Variants in PRDM6 observed in about 807,000 individuals in gnomAD.
The protein encoded by PRDM6 is PR/SET domain 6, also known as putative histone-lysine N-methyltransferase PRDM6.
A neutral mutation model predicts 60.8 loss-of-function variants in PRDM6; 25 were observed. The ratio of observed to expected loss-of-function variants is 0.41; its 90% confidence interval spans 0.30 to 0.57. The LOEUF is 0.57. Among genes scored for constraint, PRDM6 ranks in the 20% least tolerant of loss-of-function variants. The pLI is 0.27. For missense variants in PRDM6, 839 were observed against 821.3 expected, an observed-to-expected ratio of 1.02 and a Z score of -0.26; for synonymous variants, 407 against 357.4, an observed-to-expected ratio of 1.14 and a Z score of -1.57.
Position 123,090,281 on chromosome 5 carries a change from C to T in PRDM6, c.267C>T (p.Ser89=). 6.7e-7 allele frequency: 1 copy of T among 1,487,924 alleles called. No homozygotes were observed. The allele number at this position is 1,487,924 out of a possible 1,614,324, so 92.2% of individuals were successfully genotyped here. Residue 89 remains serine, a synonymous_variant, in exon 2 of 8, where the codon TCC becomes TCT. Coordinates refer to ENST00000407847, the MANE Select transcript of PRDM6 (RefSeq NM_001136239.4). ...CCACGCCGGCTTCCTCTTCCACCTCCGCCTCCTCCGCCTCCTCCTGCGCTG... is the reference window on the plus strand; with the variant it reads ...CCACGCCGGCTTCCTCTTCCACCTCTGCCTCCTCCGCCTCCTCCTGCGCTG... ...ASSTPASSST[S]ASSASSCAAA... is the part of the protein sequence containing the mutation.
At chr5:123,121,445 C>T (rs560718794) in intron 3 of PRDM6, among the ~76,000 whole-genome samples, 2 of 152,190 alleles carry the variant, frequency 1.3e-5, no homozygotes, top group African/African-American at 4.8e-5. Flanking sequence ...TGCAGTGGTG[C>T]AATCATAGCT....
At chr5:123,125,910 A>T (rs1355014956) in intron 3 of PRDM6, among the ~76,000 whole-genome samples, 2 of 152,136 alleles carry the variant, frequency 1.3e-5, no homozygotes, top group African/African-American at 4.8e-5. Flanking sequence ...TTGGAGAACA[A>T]CATATGTAAG....
At chr5:123,167,585 C>T (rs1275348049) in intron 5 of PRDM6, among the ~76,000 whole-genome samples, 1 of 151,968 alleles carries the variant, frequency 6.6e-6, no homozygotes, top group Non-Finnish European at 1.5e-5. Context: ...GACAGGGTTT[C>T]TCCATGTTGG....
intron 5 of PRDM6, among the ~76,000 whole-genome samples, chr5:123,161,557 G>T (rs1765631876): frequency 6.6e-6 from 1 of 152,228 alleles, no homozygotes. Context: ...AACAAGCCAT[G>T]TGTTAGTAGG....
In PRDM6 at chr5:123,188,541, TC is replaced by T. The variant is rs796751967; in HGVS notation, c.*1341del. On this transcript the variant is annotated 3_prime_UTR_variant, in exon 8 of 8. Coordinates refer to ENST00000407847, the MANE Select transcript of PRDM6 (RefSeq NM_001136239.4). The stretch of plus-strand genomic sequence containing the variant: ...AGAGCTGATAGCTCCCAGCAGCATC[TC>T]AGCGACTGTCTACCTTGATGGCCAG... 3.3e-4 allele frequency: 50 copies of T among 152,340 alleles called. No individual in the cohort carries two copies. Among genetic ancestry groups the T allele is most frequent in the African/African-American group, 1.2e-3 (48 of 41,594 alleles). The allele number at this position is 152,340 out of a possible 1,614,324, so 9.4% of individuals were successfully genotyped here.
At chr5:123,177,509 C>A (rs1247965926) in intron 6 of PRDM6, among the ~76,000 whole-genome samples, 1 of 152,158 alleles carries the variant, frequency 6.6e-6, no homozygotes, top group Non-Finnish European at 1.5e-5. Context: ...TAGAGATTAA[C>A]TAAAACAAGG....
intron 2 of PRDM6, among the ~76,000 whole-genome samples, chr5:123,098,750 G>T (rs959649029): frequency 6.6e-6 from 1 of 152,224 alleles, no homozygotes; most frequent in African/African-American, 2.4e-5. Flanking sequence ...TAGGCTGATC[G>T]TTAAATTTGC....
At position 123,191,282 on chromosome 5, in the gene PRDM6, T is replaced by C. The variant is rs1766427212; in HGVS notation, c.*4081T>C. ...ACTAATTTAAAATTTAAAATGCAAG[T>C]ATCTATTGAGTTGTTTAAAATGGGA... On this transcript the variant is annotated 3_prime_UTR_variant, in exon 8 of 8. Coordinates refer to ENST00000407847, the MANE Select transcript of PRDM6 (RefSeq NM_001136239.4). 2 of 152,198 alleles carry C rather than the reference T, an allele frequency of 1.3e-5. No homozygotes were observed. Among genetic ancestry groups the C allele is most frequent in the South Asian group, 4.1e-4 (2 of 4,836 alleles). 9.4% of individuals were successfully genotyped at this position (152,198 alleles called of 1,614,324 possible).
intron 3 of PRDM6, among the ~76,000 whole-genome samples, chr5:123,142,958 A>C (rs1039871368): frequency 1.3e-5 from 2 of 151,532 alleles, no homozygotes; most frequent in Admixed American, 1.3e-4. Context: ...TAGCTCAGGA[A>C]AGGAGGAAAT....
At chr5:123,127,762 T>C (rs1045908403) in intron 3 of PRDM6, among the ~76,000 whole-genome samples, 27 of 151,830 alleles carry the variant, frequency 1.8e-4, no homozygotes, top group Admixed American at 3.9e-4. Context: ...TTCTTTCCTT[T>C]CTTTCTTTCT....
intron 6 of PRDM6, among the ~76,000 whole-genome samples, chr5:123,177,611 T>TAC (rs377486854): frequency 2.0e-5 from 3 of 152,050 alleles, no homozygotes; most frequent in South Asian, 2.1e-4. Flanking sequence ...AATGAGCATG[T>TAC]ACACACACAC....
chr5:123,111,141 C>T (rs1277005496), intron 3 of PRDM6, among the ~76,000 whole-genome samples: 1 of 152,198 alleles, frequency 6.6e-6, no homozygotes, highest in Non-Finnish European at 1.5e-5. Flanking sequence ...TGTGAATAGA[C>T]TTAACAGTAC....
intron 5 of PRDM6, among the ~76,000 whole-genome samples, chr5:123,162,903 A>G (rs1765668223): frequency 1.3e-5 from 2 of 152,216 alleles, no homozygotes; most frequent in Admixed American, 6.5e-5. Context: ...GTGCTAAGAA[A>G]ATACTCTTGT....
chr5:123,182,240 AG>A (rs1766181498), intron 7 of PRDM6, among the ~76,000 whole-genome samples: 1 of 152,204 alleles, frequency 6.6e-6, no homozygotes, highest in African/African-American at 2.4e-5. Flanking sequence ...CATTGCCCTC[AG>A]GCCTGAGCCC....
chr5:123,092,694 G>A (rs1211958881), intron 2 of PRDM6, among the ~76,000 whole-genome samples: 1 of 152,140 alleles, frequency 6.6e-6, no homozygotes, highest in African/African-American at 2.4e-5. Flanking sequence ...AGACAGAAGG[G>A]AAAGAAAATT....
intron 5 of PRDM6, among the ~76,000 whole-genome samples, chr5:123,168,328 G>A (rs1229618931): frequency 2.0e-5 from 3 of 152,106 alleles, no homozygotes; most frequent in African/African-American, 7.2e-5. Flanking sequence ...TGTACTAGCT[G>A]TAAAAACATC....
intron 3 of PRDM6, among the ~76,000 whole-genome samples, chr5:123,130,089 C>T (rs1446598374): frequency 3.3e-5 from 1 of 30,518 alleles, no homozygotes; most frequent in Non-Finnish European, 6.7e-5. Flanking sequence ...CCTTTCTATT[C>T]CCTCCCCTCC....
chr5:123,179,605 TC>T (rs1338990331), intron 6 of PRDM6, among the ~76,000 whole-genome samples: 1 of 152,186 alleles, frequency 6.6e-6, no homozygotes, highest in East Asian at 1.9e-4. Flanking sequence ...GGTCCAAACA[TC>T]CTAGAACGGC....
At chr5:123,143,766 G>GA (rs1483346607) in intron 3 of PRDM6, among the ~76,000 whole-genome samples, 2 of 151,944 alleles carry the variant, frequency 1.3e-5, no homozygotes, top group South Asian at 2.1e-4. Flanking sequence ...ATTGAAAAAT[G>GA]AAAAAAATGC....
Sources: gnomAD v4.1 joint callset for allele counts (sites outside exome capture counted in the v4.1 genomes callset) on GRCh38, gnomAD v4.1.1 for gene constraint, MANE v1.5 for transcripts, NCBI Gene and HGNC (gene_info 2026-07-23, HGNC 2026-07-21) for gene names.